FGF20: variants seen among roughly 807,000 people sequenced by gnomAD.
The protein encoded by FGF20 is fibroblast growth factor 20.
A neutral mutation model predicts 16.7 loss-of-function variants in FGF20; 8 were observed. The observed-to-expected ratio is 0.48, with a 90% confidence interval of 0.28 to 0.87. The LOEUF is 0.87. Among genes scored for constraint, FGF20 ranks in the 40% least tolerant of loss-of-function variants. The pLI is 0.10. For synonymous variants in FGF20, 161 were observed against 118.6 expected (o/e 1.36, Z -2.32); for missense variants, 397 against 281.4 (o/e 1.41, Z -2.94).
rs1339121613 is a variant in FGF20, at chr8:16,993,294, G to C, written c.414C>G (p.Ile138Met). The change falls in exon 3 of 3, where the codon ATC becomes ATG. Residue 138 changes from isoleucine (I) to methionine (M), a missense_variant. Ile to Met is a conservative substitution (Grantham distance 10, BLOSUM62 1). Coordinates refer to ENST00000180166, the MANE Select transcript of FGF20 (RefSeq NM_019851.3). ...YGSEKLTSEC[I>M]FREQFEENWY... is the part of the protein sequence containing the mutation. ...AGTTCTCTTCAAACTGCTCCCTAAAGATGCATTCGGAAGTAAGTTTCTCCT... is the reference window on the plus strand; with the variant it reads ...AGTTCTCTTCAAACTGCTCCCTAAACATGCATTCGGAAGTAAGTTTCTCCT... The C allele has an allele frequency of 1.9e-6, 3 of 1,610,634 alleles. No individual in the cohort carries two copies. In the South Asian group the frequency reaches 3.3e-5, roughly 18 times the overall value.
intron 1 of FGF20, among the ~76,000 whole-genome samples, chr8:17,000,190 C>T (rs1810150338): frequency 6.6e-6 from 1 of 152,050 alleles, no homozygotes; most frequent in African/African-American, 2.4e-5. Context: ...ATTTAAAAAC[C>T]ACTTTCTAAA....
intron 1 of FGF20, 36 bp downstream of exon 1, chr8:17,001,711 C>A (rs764257898): frequency 5.2e-6 from 8 of 1,541,738 alleles, no homozygotes; most frequent in South Asian, 4.8e-5. Flanking sequence ...CGAGCTGGGG[C>A]GCAGATGGGG....
intron 1 of FGF20, among the ~76,000 whole-genome samples, chr8:16,999,688 ATTTTT>A (rs59591258): frequency 1.5e-5 from 2 of 132,828 alleles, no homozygotes; most frequent in Non-Finnish European, 3.2e-5. Flanking sequence ...CGCCCAGCTA[ATTTTT>A]TTTTTTTTTT....
intron 1 of FGF20, among the ~76,000 whole-genome samples, chr8:16,996,261 C>G (rs1439660801): frequency 6.6e-6 from 1 of 152,112 alleles, no homozygotes; most frequent in Non-Finnish European, 1.5e-5. Flanking sequence ...GGTCATGTGA[C>G]AAGGACCTCT....
Position 16,993,288 on chromosome 8 carries a change from C to T in FGF20, c.420G>A (p.Arg140=). ...TATACCAGTTCTCTTCAAACTGCTC[C>T]CTAAAGATGCATTCGGAAGTAAGTT... ...SEKLTSECIF[R]EQFEENWYNT... Residue 140 remains arginine (R), a synonymous_variant, in exon 3 of 3, where the codon AGG becomes AGA. Coordinates refer to ENST00000180166, the MANE Select transcript of FGF20 (RefSeq NM_019851.3). The T allele has an allele frequency of 6.2e-7, 1 of 1,610,848 alleles. No individual in the cohort carries two copies. The highest frequency in any genetic ancestry group is 8.5e-7 in the Non-Finnish European group (1 of 1,178,402).
rs1689885 is a variant in FGF20 at position 16,995,106 on chromosome 8, C to T, written c.390+549G>A. Among the ~76,000 whole-genome samples the T allele has an allele frequency of 5.8e-3, 888 of 152,224 alleles. 7 individuals are homozygous for T. The highest frequency in any genetic ancestry group is 0.02 in the African/African-American group (826 of 41,534). On this transcript the variant is annotated intron_variant, in intron 2 of 2. Coordinates refer to ENST00000180166, the MANE Select transcript of FGF20 (RefSeq NM_019851.3). The stretch of plus-strand genomic sequence containing the variant: ...CCCCAGGAGCAACTTAAAAATTGCC[C>T]GATACAACTTTGAATGAGCCCATGG...
At chr8:16,999,697 TTTTTTTTGTA>T (rs1810138444) in intron 1 of FGF20, among the ~76,000 whole-genome samples, 2 of 149,828 alleles carry the variant, frequency 1.3e-5, no homozygotes, top group African/African-American at 4.9e-5. Context: ...AATTTTTTTT[TTTTTTTTGTA>T]TTTTTTGTAT....
intron 1 of FGF20, among the ~76,000 whole-genome samples, chr8:17,000,693 C>T (rs73193110): frequency 0.07 from 10,586 of 151,920 alleles, 643 homozygotes; most frequent in African/African-American, 0.16. Context: ...CCGGAGAGCA[C>T]CCCATCTTTG....
At chr8:16,995,931 G>C (rs1810032304) in intron 1 of FGF20, among the ~76,000 whole-genome samples, 173 bp from the exon 2 acceptor site, 1 of 152,186 alleles carries the variant, frequency 6.6e-6, no homozygotes, top group Non-Finnish European at 1.5e-5. Flanking sequence ...TTTTATGACA[G>C]ATGAAAAAAG....
chr8:17,000,079 G>A (rs553444575), intron 1 of FGF20, among the ~76,000 whole-genome samples: 1 of 152,224 alleles, frequency 6.6e-6, no homozygotes, highest in East Asian at 2.0e-4. Context: ...CGAAGTCTCA[G>A]GGCCATGCAC....
Position 17,001,737 on chromosome 8 carries a change from T to C in FGF20, c.286+10A>G, listed in dbSNP as rs1384844210. On this transcript the variant is annotated intron_variant, in intron 1 of 2. Transcript: ENST00000180166. ...GCAGATGGGGGTGGGGTCGGGATGC[T>C]AGTACGTACCGAAGAGGCTGTGGTC... 2.5e-6 allele frequency: 4 copies of C among 1,573,912 alleles called. No individual in the cohort carries two copies. The highest frequency in any genetic ancestry group is 2.3e-4 in the Middle Eastern group (1 of 4,404).
chr8:17,002,187 A>C lies in FGF20; in HGVS notation c.-155T>G. On this transcript the variant is annotated 5_prime_UTR_variant, in exon 1 of 3. Coordinates refer to ENST00000180166, the MANE Select transcript of FGF20 (RefSeq NM_019851.3). ...CGCTCCGGAGGGACTTTGCACTGAAATGGCAGGGAAGCTCTCACTGTCTTG... is the reference window on the plus strand; with the variant it reads ...CGCTCCGGAGGGACTTTGCACTGAACTGGCAGGGAAGCTCTCACTGTCTTG... 1 of 663,604 alleles carries C rather than the reference A, an allele frequency of 1.5e-6. No individual in the cohort carries two copies. The highest frequency in any genetic ancestry group is 2.3e-6 in the Non-Finnish European group (1 of 444,078). The allele number at this position is 663,604 out of a possible 1,614,324, so 41.1% of individuals were successfully genotyped here.
At position 17,001,911 on chromosome 8, in the gene FGF20, C is replaced by T; in HGVS notation, c.122G>A (p.Arg41Lys). ...GERPPLLGER[R>K]SAAERSARGG... Reference sequence around the variant, plus strand: ...GCGCGCGCTCCGCTCCGCCGCGCTCCTGCGCTCGCCCAGCAGCGGCGGCCG... The same window carrying T: ...GCGCGCGCTCCGCTCCGCCGCGCTCTTGCGCTCGCCCAGCAGCGGCGGCCG... Residue 41 changes from arginine to lysine, a missense_variant, in exon 1 of 3, where the codon AGG becomes AAG. By Grantham distance (26) the Arg-to-Lys change is conservative. Transcript: ENST00000180166. 1.3e-6 allele frequency: 2 copies of T among 1,486,692 alleles called. No homozygotes were observed. The highest frequency in any genetic ancestry group is 1.8e-6 in the Non-Finnish European group (2 of 1,120,196). The allele number at this position is 1,486,692 out of a possible 1,614,324, so 92.1% of individuals were successfully genotyped here. A position where few individuals can be genotyped will look rare whatever the true frequency, so the allele number is the denominator to read the frequency against.
intron 1 of FGF20, 60 bp from the exon 2 acceptor site, chr8:16,995,818 C>G: frequency 1.0e-6 from 1 of 968,100 alleles, no homozygotes; most frequent in Non-Finnish European, 1.6e-6. Context: ...GAGCATATGA[C>G]TAACAAAAAT....
chr8:17,000,727 G>A (rs1217567474), intron 1 of FGF20, among the ~76,000 whole-genome samples: 2 of 151,928 alleles, frequency 1.3e-5, no homozygotes, highest in East Asian at 1.9e-4. Flanking sequence ...GCCTCAGACT[G>A]ATGAAGGCAC....
chr8:17,000,584 A>T (rs1194416759), intron 1 of FGF20, among the ~76,000 whole-genome samples: 1 of 152,142 alleles, frequency 6.6e-6, no homozygotes, highest in African/African-American at 2.4e-5. Context: ...TTTTCCAATG[A>T]TGTCAAAAGT....
At chr8:16,993,860 A>C (rs1453183968) in intron 2 of FGF20, among the ~76,000 whole-genome samples, 1 of 152,124 alleles carries the variant, frequency 6.6e-6, no homozygotes, top group African/African-American at 2.4e-5. Flanking sequence ...TCATGCTCCT[A>C]TGAGAATTTA....
At chr8:16,997,107 A>T (rs1192848873) in intron 1 of FGF20, among the ~76,000 whole-genome samples, 1 of 152,258 alleles carries the variant, frequency 6.6e-6, no homozygotes, top group Non-Finnish European at 1.5e-5. Context: ...ATTTATCAGT[A>T]AACTGGGATC....
chr8:16,999,702 T>TG lies in FGF20; in HGVS notation c.286+2044_286+2045insC, dbSNP rs1563234302. On this transcript the variant is annotated intron_variant, in intron 1 of 2. Coordinates refer to ENST00000180166, the MANE Select transcript of FGF20 (RefSeq NM_019851.3). ...ACGCCCAGCTAATTTTTTTTTTTTT[T>TG]TTGTATTTTTTGTATTTTTAGTAGA... Among the ~76,000 whole-genome samples the TG allele has an allele frequency of 1.8e-3, 262 of 146,922 alleles. 1 individual carries two copies. The highest frequency in any genetic ancestry group is 6.4e-3 in the African/African-American group (252 of 39,124).
Sources: gnomAD v4.1 joint callset for allele counts (sites outside exome capture counted in the v4.1 genomes callset) on GRCh38, gnomAD v4.1.1 for gene constraint, MANE v1.5 for transcripts, NCBI Gene and HGNC (gene_info 2026-07-23, HGNC 2026-07-21) for gene names.